Variants in OR4F15 observed in about 807,000 individuals in gnomAD.
The protein encoded by OR4F15 is olfactory receptor family 4 subfamily F member 15, also known as olfactory receptor 4F15.
In OR4F15, 7 loss-of-function variants were observed where a neutral mutation model predicts 11.9. The observed-to-expected ratio is 0.59, with a 90% CI of 0.33 to 1.10. OR4F15 has a LOEUF of 1.10. Among genes scored for constraint, OR4F15 ranks in the 50% least tolerant of loss-of-function variants. The pLI is 0.03. For synonymous variants in OR4F15, 151 were observed against 134.6 expected (o/e 1.12, Z -0.84); for missense variants, 445 against 377.5 (o/e 1.18, Z -1.48).
At position 101,818,992 on chromosome 15, in the gene OR4F15, A is replaced by C; in HGVS notation, c.806A>C (p.Lys269Thr). The C allele has an allele frequency of 6.2e-7, 1 of 1,614,136 alleles. No individual in the cohort carries two copies. Among genetic ancestry groups the C allele is most frequent in the East Asian group, 2.2e-5 (1 of 44,882 alleles). The change falls in exon 2 of 2, where the codon AAA becomes ACA. Residue 269 changes from lysine to threonine, a missense_variant. By Grantham distance (78) the Lys-to-Thr change is moderately conservative. Transcript: ENST00000332238. ...CCTTCTCCCACATCACACCTGGATA[A>C]ATATCTTGCTATTTTTGATGCATTT... ...TWPSPTSHLD[K>T]YLAIFDAFIT... is the part of the protein sequence containing the mutation.
intron 1 of OR4F15, among the ~76,000 whole-genome samples, chr15:101,817,852 A>G (rs1903017451): frequency 6.6e-6 from 1 of 152,208 alleles, no homozygotes; most frequent in Non-Finnish European, 1.5e-5. Context: ...AGATGACCTT[A>G]TATCTCACCC....
At position 101,819,665 on chromosome 15, in the gene OR4F15, C is replaced by T. The variant is rs1489524547; in HGVS notation, c.*540C>T. 1 of 152,644 alleles carries T rather than the reference C, an allele frequency of 6.6e-6. No individual in the cohort carries two copies. The highest frequency in any genetic ancestry group is 1.5e-5 in the Non-Finnish European group (1 of 68,430). The allele number at this position is 152,644 out of a possible 1,614,324, so 9.5% of individuals were successfully genotyped here. On this transcript the variant is annotated 3_prime_UTR_variant, in exon 2 of 2. Coordinates refer to ENST00000332238, the MANE Select transcript of OR4F15 (RefSeq NM_001001674.2). ...GAGGGCTGGGATTACAGGCGCCCAT[C>T]ACAACCCCTGGCTAATTTTTGTATT...
At position 101,818,930 on chromosome 15, in the gene OR4F15, C is replaced by T. The variant is rs1262498384; in HGVS notation, c.744C>T (p.Ile248=). Residue 248 remains isoleucine, a synonymous_variant, in exon 2 of 2, where the codon ATC becomes ATT. Transcript: ENST00000332238. ...TGTCAGCTCATGTCACTGTGGTCAT[C>T]TTGTTCTTTGGGCCACTGATGTTTT... ...STLSAHVTVV[I]LFFGPLMFFY... is the part of the protein sequence containing the mutation. The T allele has an allele frequency of 6.2e-7, 1 of 1,614,036 alleles. No homozygotes were observed. Among genetic ancestry groups the T allele is most frequent in the East Asian group, 2.2e-5 (1 of 44,900 alleles).
intron 1 of OR4F15, among the ~76,000 whole-genome samples, chr15:101,817,136 A>T (rs1370595113): frequency 6.6e-6 from 1 of 152,230 alleles, no homozygotes; most frequent in Non-Finnish European, 1.5e-5. Flanking sequence ...TTCCATTTTG[A>T]ACCATATTAG....
intron 1 of OR4F15, 107 bp from the exon 2 acceptor site, chr15:101,818,043 G>C: frequency 1.6e-6 from 1 of 638,904 alleles, no homozygotes; most frequent in Admixed American, 2.8e-5. Context: ...GGGTTATTTG[G>C]CTGTGTAAGA....
rs758372644 is a variant in OR4F15 at position 101,818,755 on chromosome 15, C to T, written c.569C>T (p.Thr190Ile). ...DLPRLLRLACTNTQELEFMVT... is the reference protein window; with the variant it reads ...DLPRLLRLACINTQELEFMVT... Reference sequence around the variant, plus strand: ...CCTCGGCTCCTCAGACTTGCCTGTACCAACACCCAAGAACTGGAGTTCATG... The same window carrying T: ...CCTCGGCTCCTCAGACTTGCCTGTATCAACACCCAAGAACTGGAGTTCATG... The change falls in exon 2 of 2, where the codon ACC becomes ATC. Residue 190 changes from threonine to isoleucine, a missense_variant. Coordinates refer to ENST00000332238, the MANE Select transcript of OR4F15 (RefSeq NM_001001674.2). 2.5e-5 allele frequency: 40 copies of T among 1,613,990 alleles called. 1 individual carries two copies. The South Asian group carries it at 2.5e-4, about 10-fold the overall frequency.
At position 101,819,426 on chromosome 15, in the gene OR4F15, A is replaced by G. The variant is rs1436311500; in HGVS notation, c.*301A>G. Reference sequence around the variant, plus strand: ...CAATACTATGTCTTTTATTTTTTCTACTGGACAGATTATTCTATTGATAGA... The same window carrying G: ...CAATACTATGTCTTTTATTTTTTCTGCTGGACAGATTATTCTATTGATAGA... On this transcript the variant is annotated 3_prime_UTR_variant, in exon 2 of 2. Coordinates refer to ENST00000332238, the MANE Select transcript of OR4F15 (RefSeq NM_001001674.2). The G allele has an allele frequency of 1.2e-5, 3 of 260,466 alleles. No individual in the cohort carries two copies. Among genetic ancestry groups the G allele is most frequent in the Non-Finnish European group, 2.2e-5 (3 of 137,534 alleles). 16.1% of individuals were successfully genotyped at this position (260,466 alleles called of 1,614,324 possible).
Position 101,818,154 on chromosome 15 carries a change from G to A in OR4F15, c.-33G>A, listed in dbSNP as rs778169099. 1 of 1,372,434 alleles carries A rather than the reference G, an allele frequency of 7.3e-7. No individual in the cohort carries two copies. The highest frequency in any genetic ancestry group is 1.4e-5 in the African/African-American group (1 of 69,646). The allele number at this position is 1,372,434 out of a possible 1,614,324, so 85.0% of individuals were successfully genotyped here. A position where few individuals can be genotyped will look rare whatever the true frequency, so the allele number is the denominator to read the frequency against. ...TCATTTTCTTTCTTCCTTCAGGTAAGTAACATGAAAACTGATCTTGGAGTC... is the reference window on the plus strand; with the variant it reads ...TCATTTTCTTTCTTCCTTCAGGTAAATAACATGAAAACTGATCTTGGAGTC... On this transcript the variant is annotated 5_prime_UTR_variant, in exon 2 of 2. Transcript: ENST00000332238.
chr15:101,818,202 C>T lies in OR4F15; in HGVS notation c.16C>T (p.His6Tyr), dbSNP rs1903024915. The change falls in exon 2 of 2, where the codon CAC becomes TAC. Residue 6 changes from histidine (H) to tyrosine (Y), a missense_variant. His to Tyr is a moderately conservative substitution (Grantham distance 83, BLOSUM62 2). Coordinates refer to ENST00000332238, the MANE Select transcript of OR4F15 (RefSeq NM_001001674.2). Reference protein sequence around the residue: MNGMNHSVVSEFVFMG... With the variant: MNGMNYSVVSEFVFMG... ...GTCTGAGGCAATGAATGGAATGAAT[C>T]ACTCTGTGGTATCAGAATTTGTATT... The T allele has an allele frequency of 1.9e-6, 3 of 1,606,616 alleles. No homozygotes were observed. The highest frequency in any genetic ancestry group is 2.2e-5 in the South Asian group (2 of 90,228).
Position 101,818,318 on chromosome 15 carries a change from C to T in OR4F15, c.132C>T (p.Val44=), listed in dbSNP as rs143311907. ...FYFASMMGNL[V]IVFTVTMDAH... is the part of the protein sequence containing the mutation. ...TTGCGAGCATGATGGGAAACCTTGT[C>T]ATTGTATTCACTGTAACCATGGATG... Residue 44 remains valine, a synonymous_variant, in exon 2 of 2, where the codon GTC becomes GTT. Transcript: ENST00000332238. The T allele has an allele frequency of 5.6e-6, 9 of 1,614,074 alleles. No homozygotes were observed. The highest frequency in any genetic ancestry group is 6.8e-6 in the Non-Finnish European group (8 of 1,179,942).
intron 1 of OR4F15, among the ~76,000 whole-genome samples, chr15:101,815,980 T>G (rs1902982126): frequency 6.6e-6 from 1 of 152,056 alleles, no homozygotes; most frequent in Admixed American, 6.6e-5. Flanking sequence ...TCCCTCAATA[T>G]CTCTTCCACC....
Position 101,819,078 on chromosome 15 carries a change from A to G in OR4F15, c.892A>G (p.Met298Val), listed in dbSNP as rs752902428. 1.9e-6 allele frequency: 3 copies of G among 1,613,892 alleles called. No individual in the cohort carries two copies. The highest frequency in any genetic ancestry group is 1.7e-4 in the Middle Eastern group (1 of 6,058). Residue 298 changes from methionine to valine, a missense_variant, in exon 2 of 2, where the codon ATG becomes GTG. By Grantham distance (21) the Met-to-Val change is conservative. Coordinates refer to ENST00000332238, the MANE Select transcript of OR4F15 (RefSeq NM_001001674.2). ...TFRNKDMKVA[M>V]RRLCSRLAHF... The stretch of plus-strand genomic sequence containing the variant: ...CAGGAACAAAGACATGAAAGTGGCA[A>G]TGAGGAGACTGTGCAGTCGTCTTGC...
intron 1 of OR4F15, among the ~76,000 whole-genome samples, chr15:101,813,618 G>A (rs1384641783): frequency 6.6e-6 from 1 of 151,988 alleles, no homozygotes; most frequent in Non-Finnish European, 1.5e-5. Context: ...GGTAAATAAA[G>A]GAACTGGTTC....
rs967791355 is a variant in OR4F15 at position 101,819,934 on chromosome 15, T to C, written c.*809T>C. On this transcript the variant is annotated 3_prime_UTR_variant, in exon 2 of 2. Coordinates refer to ENST00000332238, the MANE Select transcript of OR4F15 (RefSeq NM_001001674.2). ...AGGCTTCTTTGGCCATCTACAAAAT[T>C]GTTAGTCCTATATTTAGAATATTCA... is the stretch of plus-strand genomic sequence containing the variant. 6.6e-6 allele frequency: 1 copy of C among 152,226 alleles called. No individual in the cohort carries two copies. The highest frequency in any genetic ancestry group is 1.5e-5 in the Non-Finnish European group (1 of 68,048). 9.4% of individuals were successfully genotyped at this position (152,226 alleles called of 1,614,324 possible).
Position 101,818,323 on chromosome 15 carries a change from T to G in OR4F15, c.137T>G (p.Val46Gly). 6.2e-7 allele frequency: 1 copy of G among 1,614,172 alleles called. No homozygotes were observed. The highest frequency in any genetic ancestry group is 8.5e-7 in the Non-Finnish European group (1 of 1,179,992). The change falls in exon 2 of 2, where the codon GTA becomes GGA. Residue 46 changes from valine (V) to glycine (G), a missense_variant. Val to Gly is a moderately radical substitution (Grantham distance 109, BLOSUM62 -3). Transcript: ENST00000332238. ...AGCATGATGGGAAACCTTGTCATTG[T>G]ATTCACTGTAACCATGGATGCTCAT... ...FASMMGNLVI[V>G]FTVTMDAHLH...
At chr15:101,816,459 T>C (rs1211655655) in intron 1 of OR4F15, among the ~76,000 whole-genome samples, 1 of 152,078 alleles carries the variant, frequency 6.6e-6, no homozygotes. Context: ...ATCTTAGGCT[T>C]CTTTACTTTA....
At chr15:101,814,764 C>T (rs1902962162) in intron 1 of OR4F15, among the ~76,000 whole-genome samples, 2 of 152,078 alleles carry the variant, frequency 1.3e-5, no homozygotes, top group Non-Finnish European at 2.9e-5. Flanking sequence ...CCACCTTGCC[C>T]TCTGTGTAGG....
At chr15:101,815,001 C>T (rs1184577017) in intron 1 of OR4F15, among the ~76,000 whole-genome samples, 2 of 152,096 alleles carry the variant, frequency 1.3e-5, no homozygotes, top group Non-Finnish European at 2.9e-5. Context: ...TTCATGGAAG[C>T]CTTAATAGCA....
At position 101,818,322 on chromosome 15, in the gene OR4F15, G is replaced by A; in HGVS notation, c.136G>A (p.Val46Ile). 6.2e-7 allele frequency: 1 copy of A among 1,614,046 alleles called. No homozygotes were observed. Among genetic ancestry groups the A allele is most frequent in the Non-Finnish European group, 8.5e-7 (1 of 1,179,948 alleles). Residue 46 changes from valine (V) to isoleucine (I), a missense_variant, in exon 2 of 2, where the codon GTA (valine) becomes ATA (isoleucine). Physicochemically the swap from Val to Ile is conservative, Grantham distance 29. Coordinates refer to ENST00000332238, the MANE Select transcript of OR4F15 (RefSeq NM_001001674.2). ...FASMMGNLVI[V>I]FTVTMDAHLH... ...GAGCATGATGGGAAACCTTGTCATTGTATTCACTGTAACCATGGATGCTCA... is the reference window on the plus strand; with the variant it reads ...GAGCATGATGGGAAACCTTGTCATTATATTCACTGTAACCATGGATGCTCA...
Sources: allele counts gnomAD v4.1 joint callset (sites outside exome capture counted in the v4.1 genomes callset), GRCh38; gene constraint gnomAD v4.1.1; transcripts MANE v1.5; gene names NCBI Gene and HGNC (gene_info 2026-07-23, HGNC 2026-07-21).